The following DOCK10 variants were observed in gnomAD, a reference collection of about 807,000 sequenced individuals.
DOCK10 encodes the protein dedicator of cytokinesis 10.
DOCK10 carries 145 observed loss-of-function variants against 280.1 expected under a neutral mutation model. That is an observed-to-expected ratio of 0.52 (90% CI 0.45 to 0.59). The LOEUF (loss-of-function observed/expected upper bound fraction) is 0.59. DOCK10 is among the 20% of genes least tolerant of loss of function. The pLI, the probability that DOCK10 is intolerant of heterozygous loss-of-function variation, is 0.00. For synonymous variants in DOCK10, 915 were observed against 942.2 expected (o/e 0.97, Z 0.53); for missense variants, 2,368 against 2,651.7 (o/e 0.89, Z 2.35).
At chr2:224,980,103 G>A (rs1705669665) in intron 1 of DOCK10, among the ~76,000 whole-genome samples, 1 of 152,204 alleles carries the variant, frequency 6.6e-6, no homozygotes, top group South Asian at 2.1e-4. Flanking sequence ...TCACACTGGA[G>A]GAGGAGAAGG....
At chr2:224,969,824 A>G (rs1704986519) in intron 1 of DOCK10, among the ~76,000 whole-genome samples, 1 of 152,238 alleles carries the variant, frequency 6.6e-6, no homozygotes, top group South Asian at 2.1e-4. Flanking sequence ...TTAGAGTGAC[A>G]GAAAAGCAGG....
At chr2:224,985,964 T>C (rs916176102) in intron 1 of DOCK10, among the ~76,000 whole-genome samples, 15 of 152,232 alleles carry the variant, frequency 9.9e-5, no homozygotes, top group African/African-American at 3.4e-4. Flanking sequence ...TGTTAAATTA[T>C]GTAAGAGCCG....
intron 1 of DOCK10, among the ~76,000 whole-genome samples, chr2:224,934,815 T>C (rs1702594246): frequency 6.6e-6 from 1 of 152,240 alleles, no homozygotes; most frequent in Admixed American, 6.5e-5. Context: ...AAGATTACTC[T>C]GAATTGGCTT....
rs753918496 is a variant in DOCK10 at position 224,931,599 on chromosome 2, G to A, written c.193C>T (p.Arg65Trp). Residue 65 changes from arginine to tryptophan, a missense_variant, in exon 2 of 56, where the codon CGG becomes TGG. Transcript: ENST00000258390. The part of the protein sequence containing the change: ...TVIEELEKTY[R>W]NDPLQDLLFF... Reference sequence around the variant, plus strand: ...AAGAGATCTTGAAGAGGATCATTCCGGTAGGTCTTTTCAAGTTCTTCAATG... The same window carrying A: ...AAGAGATCTTGAAGAGGATCATTCCAGTAGGTCTTTTCAAGTTCTTCAATG... The A allele has an allele frequency of 1.2e-5, 19 of 1,611,808 alleles. No homozygotes were observed. Among genetic ancestry groups the A allele is most frequent in the African/African-American group, 1.1e-4 (8 of 74,842 alleles).
At chr2:224,798,009 GAA>G in intron 41 of DOCK10, 40 bp from the exon 42 acceptor site, 1 of 1,590,238 alleles carries the variant, frequency 6.3e-7, no homozygotes, top group Non-Finnish European at 8.6e-7. Context: ...ATAAGTGAAA[GAA>G]AATTTTCATT....
intron 43 of DOCK10, 125 bp from the exon 44 acceptor site, chr2:224,796,551 G>T: frequency 1.6e-6 from 1 of 624,340 alleles, no homozygotes; most frequent in Non-Finnish European, 2.8e-6. Flanking sequence ...AAGTGTTTAT[G>T]TATTAAAGCT....
At chr2:224,950,810 G>A (rs1703687353) in intron 1 of DOCK10, among the ~76,000 whole-genome samples, 1 of 152,182 alleles carries the variant, frequency 6.6e-6, no homozygotes, top group Non-Finnish European at 1.5e-5. Context: ...TGAATTTTTG[G>A]AGAACAGATT....
chr2:224,987,712 C>T (rs1170946608), intron 1 of DOCK10, among the ~76,000 whole-genome samples: 1 of 152,116 alleles, frequency 6.6e-6, no homozygotes, highest in African/African-American at 2.4e-5. Context: ...CTCCCTGATC[C>T]CAGGGCCAGA....
intron 50 of DOCK10, among the ~76,000 whole-genome samples, chr2:224,785,105 C>T (rs1691643291): frequency 6.6e-6 from 1 of 152,076 alleles, no homozygotes; most frequent in Admixed American, 6.5e-5. Flanking sequence ...TGCCATTTTT[C>T]TTGCTGTCTC....
chr2:224,989,185 G>A (rs1015354731), intron 1 of DOCK10, among the ~76,000 whole-genome samples: 1 of 152,186 alleles, frequency 6.6e-6, no homozygotes, highest in Non-Finnish European at 1.5e-5. Flanking sequence ...GGGCTAGTGT[G>A]AGGACCTAGG....
rs779334457 is a variant in DOCK10 at position 224,865,097 on chromosome 2, A to T, written c.1258-10T>A. On this transcript the variant is annotated splice_polypyrimidine_tract_variant and intron_variant, in intron 11 of 55. Coordinates refer to ENST00000258390, the MANE Select transcript of DOCK10 (RefSeq NM_014689.3). ...CAAAAAAAGGCTCAATCTGCATGAAAAAGAAAGAACAGATGTTTTTGATAT... is the reference window on the plus strand; with the variant it reads ...CAAAAAAAGGCTCAATCTGCATGAATAAGAAAGAACAGATGTTTTTGATAT... The T allele has an allele frequency of 7.5e-5, 121 of 1,611,588 alleles. No homozygotes were observed. Among genetic ancestry groups the T allele is most frequent in the Admixed American group, 3.8e-4 (23 of 59,782 alleles).
intron 3 of DOCK10, among the ~76,000 whole-genome samples, chr2:224,897,392 G>A (rs1700048026): frequency 6.6e-6 from 1 of 152,116 alleles, no homozygotes; most frequent in African/African-American, 2.4e-5. Flanking sequence ...AGCATTTATC[G>A]TTTGTGTTAT....
chr2:224,997,392 C>A (rs936719917), intron 1 of DOCK10, among the ~76,000 whole-genome samples: 2 of 152,060 alleles, frequency 1.3e-5, no homozygotes, highest in Admixed American at 1.3e-4. Context: ...CCACCATGCC[C>A]GGCTGATTTT....
At chr2:224,919,224 G>A (rs1701542436) in intron 2 of DOCK10, among the ~76,000 whole-genome samples, 1 of 144,278 alleles carries the variant, frequency 6.9e-6, no homozygotes, top group African/African-American at 2.5e-5. Flanking sequence ...TGTATGTGTG[G>A]TGTGAATGTA....
At chr2:224,904,998 C>T (rs542727945) in intron 3 of DOCK10, among the ~76,000 whole-genome samples, 11 of 152,230 alleles carry the variant, frequency 7.2e-5, no homozygotes, top group Admixed American at 5.9e-4. Flanking sequence ...ATTTTCTTCA[C>T]TATGTTTAGG....
At chr2:224,902,864 C>T (rs751708214) in intron 3 of DOCK10, among the ~76,000 whole-genome samples, 1 of 151,950 alleles carries the variant, frequency 6.6e-6, no homozygotes. Flanking sequence ...GAGGCCAACG[C>T]GGGCAGATCA....
chr2:224,967,316 G>A (rs1193639388), intron 1 of DOCK10, among the ~76,000 whole-genome samples: 1 of 152,152 alleles, frequency 6.6e-6, no homozygotes, highest in Non-Finnish European at 1.5e-5. Context: ...TCCTGACCTT[G>A]TGATCTGCCC....
intron 1 of DOCK10, among the ~76,000 whole-genome samples, chr2:224,990,232 T>A (rs1233648127): frequency 6.6e-6 from 1 of 152,240 alleles, no homozygotes; most frequent in South Asian, 2.1e-4. Context: ...ATTAATAACT[T>A]ACCTTTCTCA....
chr2:224,889,611 C>T (rs1303472273), intron 4 of DOCK10, among the ~76,000 whole-genome samples: 1 of 152,182 alleles, frequency 6.6e-6, no homozygotes, highest in Non-Finnish European at 1.5e-5. Context: ...TCAAGCCTAT[C>T]ACTGCTGCCT....
Sources: gnomAD v4.1 joint callset for allele counts (sites outside exome capture counted in the v4.1 genomes callset) on GRCh38, gnomAD v4.1.1 for gene constraint, MANE v1.5 for transcripts, NCBI Gene and HGNC (gene_info 2026-07-23, HGNC 2026-07-21) for gene names.